Variants in ACSL5 observed in about 807,000 individuals in gnomAD.
The protein encoded by ACSL5 is acyl-CoA synthetase long chain family member 5.
A neutral mutation model predicts 84.9 loss-of-function variants in ACSL5; 50 were observed. The ratio of observed to expected loss-of-function variants is 0.59; its 90% CI spans 0.47 to 0.75. ACSL5 has a LOEUF of 0.75. Ranked by LOEUF, ACSL5 falls within the 30% of genes least tolerant of loss-of-function variation. The pLI, the probability that ACSL5 is intolerant of heterozygous loss-of-function variation, is 0.00. For synonymous variants in ACSL5, 280 were observed against 300.7 expected (o/e 0.93, Z 0.71); for missense variants, 775 against 830.4 (o/e 0.93, Z 0.82).
intron 1 of ACSL5, among the ~76,000 whole-genome samples, chr10:112,384,312 A>G (rs928289417): frequency 6.6e-6 from 1 of 151,696 alleles, no homozygotes; most frequent in Non-Finnish European, 1.5e-5. Context: ...TTGTTGTCAA[A>G]CTCCCCAATA....
chr10:112,410,611 A>G lies in ACSL5; in HGVS notation c.772A>G (p.Ile258Val), dbSNP rs751631610. ...VPPSPEDLSV[I>V]CFTSGTTGDP... ...TCCTAGCCCAGAAGACCTGAGCGTC[A>G]TCTGCTTCACCAGTGGGACCACAGG... Residue 258 changes from isoleucine (I) to valine (V), a missense_variant, in exon 9 of 21, where the codon ATC (isoleucine) becomes GTC (valine). Transcript: ENST00000354655. 3.1e-6 allele frequency: 5 copies of G among 1,613,824 alleles called. No individual in the cohort carries two copies. The highest frequency in any genetic ancestry group is 4.5e-5 in the East Asian group (2 of 44,884).
Position 112,410,485 on chromosome 10 carries a change from G to C in ACSL5, c.734G>C (p.Arg245Thr). The C allele has an allele frequency of 6.2e-7, 1 of 1,614,176 alleles. No homozygotes were observed. The highest frequency in any genetic ancestry group is 8.5e-7 in the Non-Finnish European group (1 of 1,180,014). Reference protein sequence around the residue: ...DAENLGKEHFRKPVPPSPEDL... With the variant: ...DAENLGKEHFTKPVPPSPEDL... Reference sequence around the variant, plus strand: ...TAGAACCTAGGCAAAGAGCACTTCAGAAAACCTGTGGTAAGTTTTCTTCTG... The same window carrying C: ...TAGAACCTAGGCAAAGAGCACTTCACAAAACCTGTGGTAAGTTTTCTTCTG... Residue 245 changes from arginine to threonine, a missense_variant, in exon 8 of 21, where the codon AGA (arginine) becomes ACA (threonine). Arg to Thr is a moderately conservative substitution (Grantham distance 71). Transcript: ENST00000354655.
At chr10:112,382,050 G>C (rs1282833431) in intron 1 of ACSL5, among the ~76,000 whole-genome samples, 2 of 152,190 alleles carry the variant, frequency 1.3e-5, no homozygotes, top group African/African-American at 4.8e-5. Flanking sequence ...GGCTGCCTGG[G>C]GAATTGGCTT....
At chr10:112,426,507 T>TA in intron 19 of ACSL5, 148 bp downstream of exon 19, 1 of 652,774 alleles carries the variant, frequency 1.5e-6, no homozygotes, top group South Asian at 2.0e-5. Context: ...ATGGAGAGTT[T>TA]AAAAAATAAA....
intron 1 of ACSL5, chr10:112,376,582 C>G: frequency 8.0e-7 from 1 of 1,257,686 alleles, no homozygotes; most frequent in Non-Finnish European, 1.1e-6. Context: ...TCCACGGGCA[C>G]ATCATGCTGT....
chr10:112,410,074 C>T, intron 7 of ACSL5: 1 of 471,594 alleles, frequency 2.1e-6, no homozygotes, highest in Non-Finnish European at 2.8e-6. Flanking sequence ...CACTACCTCA[C>T]AGAGGTCTTG....
chr10:112,376,774 G>C (rs537020488), intron 1 of ACSL5, among the ~76,000 whole-genome samples: 1 of 152,164 alleles, frequency 6.6e-6, no homozygotes, highest in South Asian at 2.1e-4. Context: ...AGGTGGGCTG[G>C]GGGTTTGCCC....
intron 12 of ACSL5, 63 bp from the exon 13 acceptor site, chr10:112,416,825 C>T: frequency 6.4e-7 from 1 of 1,565,906 alleles, no homozygotes; most frequent in East Asian, 2.3e-5. Flanking sequence ...GTTTCTTGCT[C>T]ACTAATGGCT....
chr10:112,417,160 A>G (rs1844333737), intron 13 of ACSL5, 138 bp downstream of exon 13: 1 of 669,584 alleles, frequency 1.5e-6, no homozygotes, highest in Non-Finnish European at 2.3e-6. Context: ...CTGCCTTTTG[A>G]GATCTTTCTT....
chr10:112,380,520 A>G (rs1461587995), intron 1 of ACSL5, among the ~76,000 whole-genome samples: 5 of 140,914 alleles, frequency 3.5e-5, no homozygotes, highest in Non-Finnish European at 7.5e-5. Flanking sequence ...ATACCTCTTC[A>G]CCATTTCCCT....
Position 112,426,324 on chromosome 10 carries a change from G to T in ACSL5, c.1804G>T (p.Val602Leu). The part of the protein sequence containing the change: ...VLPSFAAKLG[V>L]KGSFEELCQN... ...TCCCTCATTTGCAGCCAAGCTTGGG[G>T]TGAAGGGCTCCTTTGAGGAACTGTG... The change falls in exon 19 of 21, where the codon GTG becomes TTG. Residue 602 changes from valine (V) to leucine (L), a missense_variant. Transcript: ENST00000354655. 6.2e-7 allele frequency: 1 copy of T among 1,614,092 alleles called. No homozygotes were observed. Among genetic ancestry groups the T allele is most frequent in the Non-Finnish European group, 8.5e-7 (1 of 1,180,008 alleles).
At chr10:112,418,038 A>G in intron 14 of ACSL5, 97 bp downstream of exon 14, 2 of 966,074 alleles carry the variant, frequency 2.1e-6, no homozygotes, top group Non-Finnish European at 3.0e-6. Flanking sequence ...AGGTACCAAA[A>G]TGAAAGTCAC....
chr10:112,409,539 C>A lies in ACSL5; in HGVS notation c.565C>A (p.Gln189Lys), dbSNP rs1564739090. 1 of 1,613,792 alleles carries A rather than the reference C, an allele frequency of 6.2e-7. No individual in the cohort carries two copies. Among genetic ancestry groups the A allele is most frequent in the Non-Finnish European group, 8.5e-7 (1 of 1,179,998 alleles). Residue 189 changes from glutamine (Q) to lysine (K), a missense_variant, in exon 7 of 21, where the codon CAA (glutamine) becomes AAA (lysine). Coordinates refer to ENST00000354655, the MANE Select transcript of ACSL5 (RefSeq NM_203379.2). ...CGCCATGGTGATCTGTGACACACCC[C>A]AAAAGGCATTGGTGCTGATAGGGAA... The part of the protein sequence containing the change: ...DIAMVICDTP[Q>K]KALVLIGNVE...
At chr10:112,409,794 G>C (rs7919710) in intron 7 of ACSL5, 109 bp downstream of exon 7, 3 of 1,091,924 alleles carry the variant, frequency 2.7e-6, no homozygotes, top group Non-Finnish European at 4.1e-6. Flanking sequence ...GGGGTGGCAC[G>C]TGAGGAGTAG....
chr10:112,382,438 G>A (rs766606083), intron 1 of ACSL5, among the ~76,000 whole-genome samples: 1 of 152,214 alleles, frequency 6.6e-6, no homozygotes, highest in Non-Finnish European at 1.5e-5. Flanking sequence ...CATGCTAGGT[G>A]CAGTGGAATC....
intron 1 of ACSL5, among the ~76,000 whole-genome samples, chr10:112,383,496 C>T (rs1260420928): frequency 1.3e-5 from 2 of 152,214 alleles, no homozygotes; most frequent in African/African-American, 2.4e-5. Flanking sequence ...CAGGGCCCCT[C>T]GGCCCTGTGA....
chr10:112,396,920 G>C (rs1286576691), intron 2 of ACSL5, among the ~76,000 whole-genome samples: 1 of 152,148 alleles, frequency 6.6e-6, no homozygotes, highest in Non-Finnish European at 1.5e-5. Flanking sequence ...TGATGTCCTA[G>C]ACTAAGTCAG....
chr10:112,399,029 C>T lies in ACSL5; in HGVS notation c.265+20C>T, dbSNP rs1843814679. The T allele has an allele frequency of 2.5e-6, 4 of 1,598,056 alleles. No individual in the cohort carries two copies. Among genetic ancestry groups the T allele is most frequent in the African/African-American group, 1.3e-5 (1 of 74,504 alleles). ...TGTCTGGTAAGCCTGGTGGTCTGTC[C>T]TTGCCTGAAGAAGACAAGGTGAGGT... is the stretch of plus-strand genomic sequence containing the variant. On this transcript the variant is annotated intron_variant, in intron 3 of 20. Coordinates refer to ENST00000354655, the MANE Select transcript of ACSL5 (RefSeq NM_203379.2).
intron 12 of ACSL5, among the ~76,000 whole-genome samples, chr10:112,414,298 CTT>C (rs776217987): frequency 1.1e-4 from 16 of 139,174 alleles, no homozygotes; most frequent in Non-Finnish European, 1.6e-4. Context: ...GAGATTTTCT[CTT>C]TGTATTTTTA....
Sources: gnomAD v4.1 joint callset for allele counts (sites outside exome capture counted in the v4.1 genomes callset) on GRCh38, gnomAD v4.1.1 for gene constraint, MANE v1.5 for transcripts, NCBI Gene and HGNC (gene_info 2026-07-23, HGNC 2026-07-21) for gene names.